ZNF331: variants seen among roughly 807,000 people sequenced by gnomAD.
The protein encoded by ZNF331 is zinc finger protein 331.
Under a neutral mutation model 7.0 loss-of-function variants are expected in ZNF331, and 2 were observed. The observed-to-expected ratio is 0.29, with a 90% CI of 0.12 to 0.90. The LOEUF is 0.90. ZNF331 is among the 40% of genes least tolerant of loss of function. ZNF331 has a pLI of 0.58. For synonymous variants in ZNF331, 196 were observed against 205.4 expected (o/e 0.95, Z 0.39); for missense variants, 432 against 587.7 (o/e 0.74, Z 2.74).
chr19:53,541,812 G>C (rs567236244), intron 2 of ZNF331, among the ~76,000 whole-genome samples: 2 of 152,160 alleles, frequency 1.3e-5, no homozygotes, highest in African/African-American at 4.8e-5. Flanking sequence ...TCTGAGACCA[G>C]CCTGGGCAAC....
rs369983328 is a variant in ZNF331, at chr19:53,571,585, G to A, written c.10-19G>A. ...TGTTTCCTTTCATTTCATCATGCAC[G>A]TGTGGGTTTCTGTTTCAGGGTTTGG... is the stretch of plus-strand genomic sequence containing the variant. On this transcript the variant is annotated intron_variant, in intron 4 of 5. Transcript: ENST00000449416. The surrounding 1 kb of genome is among the most constrained non-coding windows in gnomAD (Gnocchi z 4.7). 2.0e-5 allele frequency: 33 copies of A among 1,612,256 alleles called. No individual in the cohort carries two copies. The highest frequency in any genetic ancestry group is 1.5e-4 in the South Asian group (14 of 90,772).
chr19:53,578,179 T>C lies in ZNF331; in HGVS notation c.*227T>C, dbSNP rs2090806944. 1 of 522,694 alleles carries C rather than the reference T, an allele frequency of 1.9e-6. No homozygotes were observed. The highest frequency in any genetic ancestry group is 3.3e-5 in the East Asian group (1 of 30,540). The allele number at this position is 522,694 out of a possible 1,614,324, so 32.4% of individuals were successfully genotyped here. A position where few individuals can be genotyped will look rare whatever the true frequency, so the allele number is the denominator to read the frequency against. On this transcript the variant is annotated 3_prime_UTR_variant, in exon 6 of 6. Transcript: ENST00000449416. ...CCCTTGGTCCAGCACATCCACGCTG[T>C]ATACGCCACCCACCCTGCTAGTGAC...
chr19:53,514,872 G>A (rs966191837), upstream of ZNF331, among the ~76,000 whole-genome samples: 3 of 151,936 alleles, frequency 2.0e-5, no homozygotes, highest in African/African-American at 7.3e-5. Context: ...GGATGGTCTT[G>A]ATCTCCTGAC....
intron 2 of ZNF331, among the ~76,000 whole-genome samples, chr19:53,528,096 C>T (rs1232592437): frequency 6.6e-6 from 1 of 152,198 alleles, no homozygotes; most frequent in African/African-American, 2.4e-5. Context: ...CAGTCTCTTG[C>T]TAATATTCTT....
chr19:53,505,117 A>G, the ZNF331 span, among the ~76,000 whole-genome samples: 1 of 152,214 alleles, frequency 6.6e-6, no homozygotes, highest in East Asian at 1.9e-4. Flanking sequence ...AACTGTAAGC[A>G]CACGAGGCTT....
intron 2 of ZNF331, among the ~76,000 whole-genome samples, chr19:53,542,385 C>T (rs2088237634): frequency 6.6e-6 from 1 of 152,190 alleles, no homozygotes; most frequent in Admixed American, 6.5e-5. Flanking sequence ...ACAATAATCA[C>T]CCATGAACAC....
intron 2 of ZNF331, among the ~76,000 whole-genome samples, chr19:53,543,790 G>T (rs1427514998): frequency 6.6e-6 from 1 of 152,136 alleles, no homozygotes. Context: ...TGACGAAACA[G>T]ACACTATGAG....
intron 4 of ZNF331, among the ~76,000 whole-genome samples, chr19:53,569,791 G>A (rs1219768548): frequency 1.3e-5 from 2 of 152,180 alleles, no homozygotes; most frequent in African/African-American, 4.8e-5. Context: ...GTCTTAGTAT[G>A]TGCTCAGATC....
At chr19:53,513,331 G>A in the ZNF331 span, among the ~76,000 whole-genome samples, 1 of 151,908 alleles carries the variant, frequency 6.6e-6, no homozygotes, top group Non-Finnish European at 1.5e-5. Context: ...ATACTCAGAG[G>A]TAGGATTGCT....
chr19:53,552,068 C>A (rs1255398728), intron 2 of ZNF331, among the ~76,000 whole-genome samples: 3 of 152,022 alleles, frequency 2.0e-5, no homozygotes, highest in Non-Finnish European at 2.9e-5. Context: ...GTAAAAAATA[C>A]CCACTATACA....
chr19:53,549,475 G>A (rs2088843265), intron 2 of ZNF331, among the ~76,000 whole-genome samples: 1 of 152,128 alleles, frequency 6.6e-6, no homozygotes, highest in Admixed American at 6.5e-5. Context: ...TTAAAGTGTG[G>A]AAATCACTGC....
At chr19:53,572,063 C>T (rs10409187) in intron 5 of ZNF331, among the ~76,000 whole-genome samples, 52,848 of 151,948 alleles carry the variant, frequency 0.35, 9,454 homozygotes, top group South Asian at 0.55. Flanking sequence ...TATTGGTGGT[C>T]GGTGTTACTC....
intron 1 of ZNF331, among the ~76,000 whole-genome samples, chr19:53,522,292 G>T (rs547078998): frequency 4.3e-4 from 63 of 145,782 alleles, no homozygotes; most frequent in African/African-American, 1.5e-3. Flanking sequence ...TTGCTCTGTC[G>T]CCCAGGGCTG....
At chr19:53,569,970 A>G (rs1450476695) in intron 4 of ZNF331, among the ~76,000 whole-genome samples, 2 of 136,858 alleles carry the variant, frequency 1.5e-5, no homozygotes, top group East Asian at 3.9e-4. Flanking sequence ...AATCAGAAAC[A>G]GGGGGCCGGG....
upstream of ZNF331, among the ~76,000 whole-genome samples, chr19:53,520,039 CTTA>C (rs138557099): frequency 0.075 from 11,302 of 151,046 alleles, 418 homozygotes; most frequent in East Asian, 0.15. Flanking sequence ...GCTTTCCGGG[CTTA>C]TTATTATTAT....
intron 2 of ZNF331, among the ~76,000 whole-genome samples, chr19:53,526,774 G>A (rs1003630665): frequency 6.6e-6 from 1 of 151,582 alleles, no homozygotes; most frequent in Non-Finnish European, 1.5e-5. Context: ...GGATGGTCTC[G>A]ATCTCCTGAC....
At chr19:53,546,790 G>A (rs749311087) in intron 2 of ZNF331, among the ~76,000 whole-genome samples, 4 of 152,170 alleles carry the variant, frequency 2.6e-5, no homozygotes, top group Admixed American at 6.5e-5. Context: ...GTCATCAAAG[G>A]CAGAGATGTT....
At chr19:53,503,616 G>A in the ZNF331 span, 10 of 698,354 alleles carry the variant, frequency 1.4e-5, no homozygotes, top group Non-Finnish European at 2.6e-5. Flanking sequence ...AGGCATTTCC[G>A]GAGTGATTCT....
At chr19:53,510,193 G>C in the ZNF331 span, among the ~76,000 whole-genome samples, 1 of 152,202 alleles carries the variant, frequency 6.6e-6, no homozygotes, top group Non-Finnish European at 1.5e-5. Flanking sequence ...TCTTGGCAGA[G>C]AAACACTTAC....
Sources: gnomAD v4.1 joint callset for allele counts (sites outside exome capture counted in the v4.1 genomes callset) on GRCh38, gnomAD v4.1.1 for gene constraint, Gnocchi (gnomAD v3.1) non-coding constraint, MANE v1.5 for transcripts, NCBI Gene and HGNC (gene_info 2026-07-23, HGNC 2026-07-21) for gene names.